PAPPA2: variants seen among roughly 807,000 people sequenced by gnomAD.
PAPPA2 encodes the protein pappalysin 2, also known as pappalysin-2.
PAPPA2 carries 86 observed loss-of-function variants against 176.4 expected under a neutral mutation model. The ratio of observed to expected loss-of-function variants is 0.49; its 90% CI spans 0.41 to 0.58. PAPPA2 has a LOEUF of 0.58. PAPPA2 is among the 20% of genes least tolerant of loss of function. The probability of loss-of-function intolerance (pLI) is 0.00; values close to 1 mark genes in which losing one functional copy is unlikely to be tolerated. For missense variants in PAPPA2, 2,073 were observed against 2,256.9 expected (o/e 0.92, Z 1.65); for synonymous variants, 809 against 852.2 (o/e 0.95, Z 0.88).
chr1:176,685,127 GA>G (rs1482799680), intron 4 of PAPPA2, among the ~76,000 whole-genome samples: 2 of 151,842 alleles, frequency 1.3e-5, no homozygotes, highest in Non-Finnish European at 2.9e-5. Context: ...GGGAGCCAAT[GA>G]AGGTTACAGG....
At chr1:176,765,883 G>A in intron 15 of PAPPA2, 46 bp downstream of exon 15, 2 of 1,598,526 alleles carry the variant, frequency 1.3e-6, no homozygotes, top group South Asian at 1.1e-5. Flanking sequence ...CCTGGGAAGG[G>A]GAGGTATTCA....
At chr1:176,549,099 C>A (rs1558428951) in intron 1 of PAPPA2, among the ~76,000 whole-genome samples, 1 of 152,166 alleles carries the variant, frequency 6.6e-6, no homozygotes, top group Non-Finnish European at 1.5e-5. Flanking sequence ...TAAAAAGCTG[C>A]TCTCATGTAA....
intron 1 of PAPPA2, among the ~76,000 whole-genome samples, chr1:176,466,449 C>G (rs1651623976): frequency 6.6e-6 from 1 of 152,018 alleles, no homozygotes; most frequent in African/African-American, 2.4e-5. Context: ...TTCAGGCCTC[C>G]CTGGGTCAAG....
intron 21 of PAPPA2, among the ~76,000 whole-genome samples, chr1:176,815,931 G>A (rs530434787): frequency 2.9e-4 from 44 of 151,940 alleles, no homozygotes; most frequent in South Asian, 2.7e-3. Context: ...TTTGTCTCAG[G>A]TGAGTCTCAG....
chr1:176,544,150 A>T (rs1650502419), intron 1 of PAPPA2, among the ~76,000 whole-genome samples: 1 of 152,226 alleles, frequency 6.6e-6, no homozygotes, highest in African/African-American at 2.4e-5. Flanking sequence ...GAAGACCTCA[A>T]TCTTGATGTC....
chr1:176,556,841 C>T lies in PAPPA2; in HGVS notation c.519C>T (p.Thr173=). 1.2e-6 allele frequency: 2 copies of T among 1,614,122 alleles called. No individual in the cohort carries two copies. The highest frequency in any genetic ancestry group is 1.3e-5 in the African/African-American group (1 of 75,002). ...QKGSAMAATT[T]TAIFTTLNEP... ...GCTCAGCCATGGCTGCCACTACTAC[C>T]ACCGCCATTTTCACAACCCTGAACG... Residue 173 remains threonine, a synonymous_variant, in exon 2 of 23, where the codon ACC becomes ACT. Transcript: ENST00000367662.
intron 14 of PAPPA2, among the ~76,000 whole-genome samples, chr1:176,758,040 A>T (rs1663511811): frequency 1.3e-5 from 2 of 152,210 alleles, no homozygotes; most frequent in Middle Eastern, 3.2e-3. Flanking sequence ...AGACTTAAAT[A>T]AAGGAGCAGA....
At chr1:176,824,259 T>C (rs1480033918) in intron 21 of PAPPA2, among the ~76,000 whole-genome samples, 1 of 152,234 alleles carries the variant, frequency 6.6e-6, no homozygotes, top group African/African-American at 2.4e-5. Flanking sequence ...TATTTGTATG[T>C]GTTTTTGTTG....
intron 1 of PAPPA2, among the ~76,000 whole-genome samples, chr1:176,482,307 T>G (rs1308269058): frequency 6.6e-6 from 1 of 152,184 alleles, no homozygotes; most frequent in Non-Finnish European, 1.5e-5. Context: ...GCAGCTGCTT[T>G]TATTAGAGGA....
chr1:176,728,196 T>C (rs1661972196), intron 12 of PAPPA2, among the ~76,000 whole-genome samples: 1 of 151,874 alleles, frequency 6.6e-6, no homozygotes, highest in South Asian at 2.1e-4. Flanking sequence ...TTATTTTACT[T>C]TCTCTGGAAA....
At chr1:176,790,149 T>A (rs1364565772) in intron 18 of PAPPA2, among the ~76,000 whole-genome samples, 172 bp downstream of exon 18, 2 of 152,146 alleles carry the variant, frequency 1.3e-5, no homozygotes, top group Non-Finnish European at 2.9e-5. Flanking sequence ...ACCACATTTT[T>A]AAAATGTTCT....
chr1:176,548,835 T>C (rs1416529847), intron 1 of PAPPA2, among the ~76,000 whole-genome samples: 2 of 152,068 alleles, frequency 1.3e-5, no homozygotes. Context: ...GGGATGAAAA[T>C]GGGCTACATT....
intron 21 of PAPPA2, among the ~76,000 whole-genome samples, chr1:176,802,038 C>T (rs991839237): frequency 1.3e-5 from 2 of 152,138 alleles, no homozygotes; most frequent in African/African-American, 4.8e-5. Context: ...CAGTGGTTCT[C>T]AGCATCACCT....
chr1:176,726,355 G>A (rs1369506769), intron 12 of PAPPA2, among the ~76,000 whole-genome samples: 1 of 152,130 alleles, frequency 6.6e-6, no homozygotes, highest in Non-Finnish European at 1.5e-5. Context: ...TTCATCCTGT[G>A]AACTGTAAGG....
intron 1 of PAPPA2, among the ~76,000 whole-genome samples, chr1:176,479,789 C>G (rs1433534199): frequency 6.6e-6 from 1 of 152,198 alleles, no homozygotes; most frequent in Non-Finnish European, 1.5e-5. Context: ...ATTCCCTTCT[C>G]CAAGCACTGC....
chr1:176,818,663 G>C (rs1041697901), intron 21 of PAPPA2, among the ~76,000 whole-genome samples: 1 of 152,102 alleles, frequency 6.6e-6, no homozygotes, highest in African/African-American at 2.4e-5. Context: ...AGAGCCTCCT[G>C]ACTGGTCTCA....
At chr1:176,770,764 G>A (rs1664189306) in intron 16 of PAPPA2, among the ~76,000 whole-genome samples, 1 of 152,182 alleles carries the variant, frequency 6.6e-6, no homozygotes, top group African/African-American at 2.4e-5. Context: ...TCTGTTTTAT[G>A]TAAGAGCATC....
intron 14 of PAPPA2, among the ~76,000 whole-genome samples, chr1:176,765,118 G>A (rs1663904933): frequency 6.6e-6 from 1 of 152,232 alleles, no homozygotes. Context: ...TATGGCTTTA[G>A]CAGTTGTGAA....
chr1:176,781,365 C>CTTTTTTTTTTTTTTT (rs35029858), intron 17 of PAPPA2, among the ~76,000 whole-genome samples: 3 of 46,228 alleles, frequency 6.5e-5, no homozygotes, highest in East Asian at 9.0e-4. Context: ...TTGTAAGGGG[C>CTTTTTTTTTTTTTTT]TTTTTTTTTT....
Sources: allele counts gnomAD v4.1 joint callset (sites outside exome capture counted in the v4.1 genomes callset), GRCh38; gene constraint gnomAD v4.1.1; transcripts MANE v1.5; gene names NCBI Gene and HGNC (gene_info 2026-07-23, HGNC 2026-07-21).